The following USP12 variants were observed in gnomAD, a reference collection of about 807,000 sequenced individuals.
USP12 encodes the protein ubiquitin specific peptidase 12.
Under a neutral mutation model 45.5 loss-of-function variants are expected in USP12, and 19 were observed. The observed-to-expected ratio is 0.42, with a 90% CI of 0.29 to 0.61. The LOEUF is 0.61. USP12 is among the 20% of genes least tolerant of loss of function. The pLI, the probability that USP12 is intolerant of heterozygous loss-of-function variation, is 0.22. For missense variants in USP12, 242 were observed against 447.7 expected, an observed-to-expected ratio of 0.54 and a Z score of 4.15; for synonymous variants, 149 against 148.8, an observed-to-expected ratio of 1.00 and a Z score of -0.01.
chr13:27,168,208 G>GC (rs1878433887), intron 1 of USP12, among the ~76,000 whole-genome samples: 2 of 152,142 alleles, frequency 1.3e-5, no homozygotes, highest in East Asian at 3.8e-4. Flanking sequence ...AAGCAGCCAG[G>GC]CCAGTGCCAC....
chr13:27,144,143 G>A (rs1315052546), intron 1 of USP12, among the ~76,000 whole-genome samples: 1 of 152,002 alleles, frequency 6.6e-6, no homozygotes, highest in Non-Finnish European at 1.5e-5. Context: ...GCTGAAGTTG[G>A]AGCCGAGACT....
chr13:27,116,386 A>G (rs1875743175), intron 2 of USP12, 130 bp downstream of exon 2: 1 of 741,836 alleles, frequency 1.3e-6, no homozygotes, highest in Non-Finnish European at 2.0e-6. Context: ...AAAATTCCCA[A>G]TCAAGTCTCT....
intron 1 of USP12, among the ~76,000 whole-genome samples, chr13:27,153,086 C>G (rs1299433407): frequency 6.6e-6 from 1 of 152,168 alleles, no homozygotes; most frequent in Admixed American, 6.5e-5. Context: ...AATCCCAGTA[C>G]TCTGAGAGGC....
chr13:27,152,302 A>C (rs1227517246), intron 1 of USP12, among the ~76,000 whole-genome samples: 1 of 152,242 alleles, frequency 6.6e-6, no homozygotes, highest in African/African-American at 2.4e-5. Context: ...GTCCATTAAA[A>C]GCAATGCAGT....
intron 1 of USP12, among the ~76,000 whole-genome samples, chr13:27,155,771 T>C (rs1877805543): frequency 6.6e-6 from 1 of 152,238 alleles, no homozygotes; most frequent in Non-Finnish European, 1.5e-5. Flanking sequence ...GAACTTCATG[T>C]GCTCATTCAC....
At chr13:27,092,690 C>T (rs1874372984) in intron 4 of USP12, among the ~76,000 whole-genome samples, 1 of 152,130 alleles carries the variant, frequency 6.6e-6, no homozygotes, top group African/African-American at 2.4e-5. Context: ...CCAGAATAAA[C>T]TTTCTAATAC....
intron 3 of USP12, among the ~76,000 whole-genome samples, chr13:27,099,651 C>T (rs183192038): frequency 8.9e-4 from 135 of 151,274 alleles, no homozygotes; most frequent in African/African-American, 3.1e-3. Context: ...GGAATTTTCC[C>T]TGATATCTCT....
chr13:27,112,545 C>A lies in USP12; in HGVS notation c.129+3971G>T, dbSNP rs185821250. 2.8e-3 allele frequency among the ~76,000 whole-genome samples: 419 copies of A among 152,126 alleles called. 2 individuals are homozygous for A. The highest frequency in any genetic ancestry group is 9.8e-3 in the African/African-American group (407 of 41,494). ...CAAAGCAATCCTCTCGTCTTGGCCT[C>A]CCAAAGTGCTGGGATTAAAAGCATG... is the stretch of plus-strand genomic sequence containing the variant. On this transcript the variant is annotated intron_variant, in intron 2 of 8. Coordinates refer to ENST00000282344, the MANE Select transcript of USP12 (RefSeq NM_182488.4).
At chr13:27,119,814 C>T (rs1000534404) in intron 1 of USP12, among the ~76,000 whole-genome samples, 11 of 152,226 alleles carry the variant, frequency 7.2e-5, no homozygotes, top group African/African-American at 2.7e-4. Flanking sequence ...AAGAAGAGCA[C>T]TCACCTTATT....
At chr13:27,105,330 T>C (rs1013265745) in intron 3 of USP12, among the ~76,000 whole-genome samples, 15 of 152,010 alleles carry the variant, frequency 9.9e-5, no homozygotes, top group African/African-American at 3.6e-4. Flanking sequence ...AATGACATGC[T>C]CTCTATCTAA....
At chr13:27,081,998 G>A (rs543015502) in intron 6 of USP12, among the ~76,000 whole-genome samples, 6 of 152,170 alleles carry the variant, frequency 3.9e-5, no homozygotes, top group South Asian at 2.1e-4. Context: ...TAGATTCAGC[G>A]TAATTCTTAA....
chr13:27,147,211 G>A (rs1877345208), intron 1 of USP12, among the ~76,000 whole-genome samples: 1 of 152,182 alleles, frequency 6.6e-6, no homozygotes, highest in Non-Finnish European at 1.5e-5. Context: ...TACACCCTCA[G>A]AGCCACTGCC....
intron 1 of USP12, among the ~76,000 whole-genome samples, chr13:27,146,512 C>CTA (rs1293487923): frequency 6.6e-6 from 1 of 152,122 alleles, no homozygotes; most frequent in African/African-American, 2.4e-5. Flanking sequence ...GTTAACTACA[C>CTA]CCACTTCTAG....
Position 27,069,217 on chromosome 13 carries a change from T to C in USP12, c.*66A>G. 3 of 1,395,936 alleles carry C rather than the reference T, an allele frequency of 2.1e-6. No individual in the cohort carries two copies. The highest frequency in any genetic ancestry group is 3.0e-6 in the Non-Finnish European group (3 of 987,048). 86.5% of individuals were successfully genotyped at this position (1,395,936 alleles called of 1,614,324 possible). A position where few individuals can be genotyped will look rare whatever the true frequency, so the allele number is the denominator to read the frequency against. On this transcript the variant is annotated 3_prime_UTR_variant, in exon 9 of 9. Coordinates refer to ENST00000282344, the MANE Select transcript of USP12 (RefSeq NM_182488.4). ...TTCTCTTTTCTTGAAAAATCAGTGC[T>C]TGATCCTTTCCAAAATAACCAGAGA...
chr13:27,125,117 C>T lies in USP12; in HGVS notation c.49-8521G>A, dbSNP rs570338467. Among the ~76,000 whole-genome samples the T allele has an allele frequency of 3.3e-5, 5 of 152,202 alleles. No individual in the cohort carries two copies. The East Asian group carries it at 9.7e-4, about 29-fold the overall frequency. On this transcript the variant is annotated intron_variant, in intron 1 of 8. Coordinates refer to ENST00000282344, the MANE Select transcript of USP12 (RefSeq NM_182488.4). The stretch of plus-strand genomic sequence containing the variant: ...CTTTTTCAGTAAAACAGATCAGACA[C>T]ACATCTTTATTAGGAGTAAACAAAG...
chr13:27,087,282 T>TGTGC (rs1555233351), intron 6 of USP12, among the ~76,000 whole-genome samples: 1 of 147,776 alleles, frequency 6.8e-6, no homozygotes, highest in Admixed American at 6.8e-5. Context: ...TGTGTGTGTG[T>TGTGC]GCGCGCACGC....
At chr13:27,170,277 G>A (rs1209277603) in intron 1 of USP12, 4 of 398,364 alleles carry the variant, frequency 1.0e-5, no homozygotes, top group Non-Finnish European at 1.8e-5. Context: ...GTTCCTCAGC[G>A]TGTAGTAGAG....
intron 1 of USP12, among the ~76,000 whole-genome samples, chr13:27,131,455 CTAGAAACATGAGTCA>C (rs1876497683): frequency 6.6e-6 from 1 of 152,170 alleles, no homozygotes; most frequent in African/African-American, 2.4e-5. Context: ...AAAGGTATGA[CTAGAAACATGAGTCA>C]TTTGGATTTT....
At chr13:27,121,780 G>A (rs566528301) in intron 1 of USP12, among the ~76,000 whole-genome samples, 12 of 152,032 alleles carry the variant, frequency 7.9e-5, no homozygotes, top group South Asian at 4.2e-4. Flanking sequence ...AGAATGGCGC[G>A]AACCTGGGAG....
Sources: allele counts gnomAD v4.1 joint callset (sites outside exome capture counted in the v4.1 genomes callset), GRCh38; gene constraint gnomAD v4.1.1; transcripts MANE v1.5; gene names NCBI Gene and HGNC (gene_info 2026-07-23, HGNC 2026-07-21).